RBM19: variants seen among roughly 807,000 people sequenced by gnomAD.
RBM19 encodes the protein RNA binding motif protein 19, also known as probable RNA-binding protein 19.
RBM19 carries 94 observed loss-of-function variants against 116.8 expected under a neutral mutation model. The observed-to-expected ratio is 0.80, with a 90% confidence interval of 0.68 to 0.95. The LOEUF is 0.95. Among genes scored for constraint, RBM19 ranks in the 40% least tolerant of loss-of-function variants. The pLI is 0.00. For synonymous variants in RBM19, 475 were observed against 494.1 expected, an observed-to-expected ratio of 0.96 and a Z score of 0.51; for missense variants, 1,161 against 1,220.7, an observed-to-expected ratio of 0.95 and a Z score of 0.73.
chr12:113,906,192 C>T (rs1259195124), intron 21 of RBM19, among the ~76,000 whole-genome samples: 2 of 152,220 alleles, frequency 1.3e-5, no homozygotes, highest in African/African-American at 2.4e-5. Flanking sequence ...TTTGAAATAG[C>T]CCAAACCCTG....
At chr12:113,865,359 C>T (rs1305813808) in intron 21 of RBM19, among the ~76,000 whole-genome samples, 1 of 152,176 alleles carries the variant, frequency 6.6e-6, no homozygotes, top group Non-Finnish European at 1.5e-5. Context: ...TGTGACCATC[C>T]TATCTAACGT....
chr12:113,943,627 C>G (rs1367408136), intron 13 of RBM19, among the ~76,000 whole-genome samples: 2 of 152,030 alleles, frequency 1.3e-5, no homozygotes, highest in African/African-American at 4.8e-5. Context: ...CGAGACCAGC[C>G]TGACTGACCA....
Position 113,899,869 on chromosome 12 carries a change from G to A in RBM19, c.2558+15100C>T, listed in dbSNP as rs149555428. 1.2e-3 allele frequency among the ~76,000 whole-genome samples: 181 copies of A among 152,184 alleles called. 3 individuals carry two copies. In the East Asian group the frequency reaches 0.023, roughly 20 times the overall value. On this transcript the variant is annotated intron_variant, in intron 21 of 23. Coordinates refer to ENST00000261741, the MANE Select transcript of RBM19 (RefSeq NM_016196.4). ...TTATCAGCTCCAACAATGAGCCAAC[G>A]GCGGCCCTCCGAGCAAGCCCAGACA...
intron 21 of RBM19, among the ~76,000 whole-genome samples, chr12:113,865,870 A>C (rs1878764958): frequency 6.6e-6 from 1 of 151,924 alleles, no homozygotes; most frequent in Admixed American, 6.6e-5. Flanking sequence ...ATCATTTACC[A>C]AGGGAATACT....
chr12:113,858,721 G>T, intron 22 of RBM19, 70 bp downstream of exon 22: 2 of 1,451,380 alleles, frequency 1.4e-6, no homozygotes, highest in Non-Finnish European at 1.9e-6. Flanking sequence ...TAGAGGCCTG[G>T]CTGTCTCTCC....
At chr12:113,887,357 C>T (rs946713056) in intron 21 of RBM19, among the ~76,000 whole-genome samples, 12 of 152,064 alleles carry the variant, frequency 7.9e-5, no homozygotes, top group Non-Finnish European at 2.9e-5. Flanking sequence ...CCAACACTGG[C>T]TGGGCGCAGT....
chr12:113,893,936 T>C (rs1451613472), intron 21 of RBM19, among the ~76,000 whole-genome samples: 2 of 152,204 alleles, frequency 1.3e-5, no homozygotes, highest in East Asian at 1.9e-4. Flanking sequence ...AAAGTTCTAA[T>C]GGATGGTGTT....
Position 113,942,318 on chromosome 12 carries a change from A to G in RBM19, c.1737+6T>C. 6.2e-7 allele frequency: 1 copy of G among 1,602,050 alleles called. No individual in the cohort carries two copies. Among genetic ancestry groups the G allele is most frequent in the Non-Finnish European group, 8.5e-7 (1 of 1,179,010 alleles). ...CTGGCTGGCTGGCGCCACCGAGAAC[A>G]CCCACCTGGCTGAAGGAATCCAGGC... On this transcript the variant is annotated splice_donor_region_variant and intron_variant, in intron 14 of 23. Transcript: ENST00000261741.
downstream of RBM19, among the ~76,000 whole-genome samples, chr12:113,818,842 A>T (rs1593439296): frequency 1.3e-5 from 2 of 151,438 alleles, no homozygotes; most frequent in African/African-American, 4.9e-5. Context: ...ACTGTCCCTC[A>T]CCCCTGTCTG....
intron 21 of RBM19, among the ~76,000 whole-genome samples, chr12:113,911,937 G>T (rs1159644056): frequency 6.6e-6 from 1 of 152,330 alleles, no homozygotes; most frequent in African/African-American, 2.4e-5. Flanking sequence ...CAGAGAAGAC[G>T]AGAATCGCTG....
chr12:113,817,934 A>T (rs1256628590), downstream of RBM19: 1 of 152,132 alleles, frequency 6.6e-6, no homozygotes, highest in Non-Finnish European at 1.5e-5. Flanking sequence ...GTCTACTAAA[A>T]ATACAAAAAA....
At chr12:113,828,309 C>T (rs1362017002) in intron 23 of RBM19, among the ~76,000 whole-genome samples, 1 of 152,208 alleles carries the variant, frequency 6.6e-6, no homozygotes, top group South Asian at 2.1e-4. Flanking sequence ...TGTGGCAGAC[C>T]TGTCCCCTCC....
At chr12:113,827,618 G>A (rs941397951) in intron 23 of RBM19, among the ~76,000 whole-genome samples, 5 of 152,134 alleles carry the variant, frequency 3.3e-5, no homozygotes, top group Non-Finnish European at 7.4e-5. Flanking sequence ...GGAGAAGAGC[G>A]TGGCTGATAA....
At chr12:113,888,852 G>A (rs1222111273) in intron 21 of RBM19, among the ~76,000 whole-genome samples, 3 of 152,228 alleles carry the variant, frequency 2.0e-5, no homozygotes, top group African/African-American at 4.8e-5. Flanking sequence ...TTAGCTTGGC[G>A]TTTGGCATGT....
chr12:113,837,809 C>T (rs1476958214), intron 23 of RBM19, among the ~76,000 whole-genome samples: 2 of 152,246 alleles, frequency 1.3e-5, no homozygotes, highest in Admixed American at 6.5e-5. Flanking sequence ...CAGAGGATTG[C>T]GACAGTACAG....
downstream of RBM19, among the ~76,000 whole-genome samples, chr12:113,818,436 G>C (rs189235625): frequency 1.3e-5 from 2 of 152,224 alleles, no homozygotes; most frequent in East Asian, 3.9e-4. Flanking sequence ...TGGATCATAG[G>C]CTCCTCCCCA....
At chr12:113,827,671 C>A (rs897259871) in intron 23 of RBM19, among the ~76,000 whole-genome samples, 3 of 151,964 alleles carry the variant, frequency 2.0e-5, no homozygotes, top group African/African-American at 7.3e-5. Flanking sequence ...ATGAGGCAGG[C>A]GTGAACAGTC....
chr12:113,883,516 T>C (rs11066802), intron 21 of RBM19, among the ~76,000 whole-genome samples: 24,263 of 152,338 alleles, frequency 0.16, 2,305 homozygotes, highest in Middle Eastern at 0.22. Flanking sequence ...TGCACACTAA[T>C]AGGGCAGACT....
chr12:113,899,833 A>G (rs1027451007), intron 21 of RBM19, among the ~76,000 whole-genome samples: 1 of 152,126 alleles, frequency 6.6e-6, no homozygotes, highest in Non-Finnish European at 1.5e-5. Context: ...GCTGGAAGAC[A>G]TGGCGCGCAA....
Sources: allele counts gnomAD v4.1 joint callset (sites outside exome capture counted in the v4.1 genomes callset), GRCh38; gene constraint gnomAD v4.1.1; transcripts MANE v1.5; gene names NCBI Gene and HGNC (gene_info 2026-07-23, HGNC 2026-07-21).